Variants in SYNDIG1 observed in about 807,000 individuals in gnomAD.
SYNDIG1 encodes synapse differentiation-inducing gene protein 1.
In SYNDIG1, 9 loss-of-function variants were observed where a neutral mutation model predicts 19.4. The ratio of observed to expected loss-of-function variants is 0.46; its 90% CI spans 0.28 to 0.81. The LOEUF (loss-of-function observed/expected upper bound fraction) is 0.81, where lower values mean the gene tolerates loss of function less well. Ranked by LOEUF, SYNDIG1 falls within the 30% of genes least tolerant of loss-of-function variation. The probability of loss-of-function intolerance (pLI) is 0.12; values close to 1 mark genes in which losing one functional copy is unlikely to be tolerated. For synonymous variants in SYNDIG1, 141 were observed against 145.9 expected, an observed-to-expected ratio of 0.97 and a Z score of 0.24; for missense variants, 311 against 343.3, an observed-to-expected ratio of 0.91 and a Z score of 0.74.
chr20:24,610,265 G>A lies in SYNDIG1; in HGVS notation c.618+25272G>A, dbSNP rs75209721. On this transcript the variant is annotated intron_variant, in intron 3 of 3. Transcript: ENST00000376862. ...TTCCTGTGATAATTTTGAATAATTT[G>A]GGCCTGGTCTTTATAGGCATATAAA... 2.4e-3 allele frequency among the ~76,000 whole-genome samples: 362 copies of A among 152,252 alleles called. 2 individuals carry two copies. Among genetic ancestry groups the A allele is most frequent in the African/African-American group, 8.4e-3 (347 of 41,530 alleles).
chr20:24,575,734 G>A (rs555379984), intron 2 of SYNDIG1, among the ~76,000 whole-genome samples: 1 of 152,202 alleles, frequency 6.6e-6, no homozygotes, highest in South Asian at 2.1e-4. Context: ...AGGAATATTG[G>A]ACTAGATACT....
In SYNDIG1 at chr20:24,530,811, GT is replaced by G. The variant is rs374193810; in HGVS notation, c.-78-12196del. On this transcript the variant is annotated intron_variant, in intron 1 of 3. Coordinates refer to ENST00000376862, the MANE Select transcript of SYNDIG1 (RefSeq NM_024893.3). The stretch of plus-strand genomic sequence containing the variant: ...TGTTTGTTTGTTTTTTGGGTTTTTT[GT>G]TTTTTTTTTTTTCGGAGACGGAGTC... 4.9e-3 allele frequency among the ~76,000 whole-genome samples: 696 copies of G among 141,582 alleles called. 4 individuals carry two copies. The highest frequency in any genetic ancestry group is 0.011 in the African/African-American group (416 of 38,626). The allele number at this position is 141,582 out of a possible 152,430, so 92.9% of individuals were successfully genotyped here. A position where few individuals can be genotyped will look rare whatever the true frequency, so the allele number is the denominator to read the frequency against.
At chr20:24,569,045 T>C (rs1214774708) in intron 2 of SYNDIG1, among the ~76,000 whole-genome samples, 1 of 152,200 alleles carries the variant, frequency 6.6e-6, no homozygotes, top group Admixed American at 6.5e-5. Flanking sequence ...GAGGAGACAG[T>C]GCAGGTGTCC....
At chr20:24,498,812 C>T (rs148183629) in intron 1 of SYNDIG1, among the ~76,000 whole-genome samples, 14 of 152,246 alleles carry the variant, frequency 9.2e-5, no homozygotes, top group Admixed American at 3.3e-4. Context: ...CCTTCATTTG[C>T]CTATCAGTGG....
At chr20:24,663,903 G>T (rs1043093738) in intron 3 of SYNDIG1, among the ~76,000 whole-genome samples, 8 of 152,174 alleles carry the variant, frequency 5.3e-5, no homozygotes, top group Non-Finnish European at 8.8e-5. Flanking sequence ...TGTGTTCGAA[G>T]ATGTGGGCGT....
intron 2 of SYNDIG1, among the ~76,000 whole-genome samples, chr20:24,574,509 G>GTAAA (rs1387493931): frequency 0.019 from 2,823 of 151,554 alleles, 84 homozygotes; most frequent in African/African-American, 0.063. Flanking sequence ...AAATAAATAA[G>GTAAA]TAAATAAATA....
At chr20:24,654,683 A>T (rs1260648689) in intron 3 of SYNDIG1, among the ~76,000 whole-genome samples, 1 of 151,176 alleles carries the variant, frequency 6.6e-6, no homozygotes, top group African/African-American at 2.4e-5. Context: ...GAAGGAAGGA[A>T]GGAAGGAAGG....
chr20:24,565,096 C>T (rs1409371), intron 2 of SYNDIG1, among the ~76,000 whole-genome samples: 77,233 of 151,990 alleles, frequency 0.51, 19,811 homozygotes, highest in East Asian at 0.61. Flanking sequence ...TAAGTTTTCA[C>T]TGGACCTCAA....
At chr20:24,624,207 G>GAT in intron 3 of SYNDIG1, among the ~76,000 whole-genome samples, 1 of 139,720 alleles carries the variant, frequency 7.2e-6, no homozygotes, top group East Asian at 2.1e-4. Flanking sequence ...AATGAGCCGA[G>GAT]ATCCTGCCAC....
chr20:24,648,135 TTAGGGCTTCAA>T (rs1387432860), intron 3 of SYNDIG1, among the ~76,000 whole-genome samples: 1 of 152,160 alleles, frequency 6.6e-6, no homozygotes, highest in Non-Finnish European at 1.5e-5. Flanking sequence ...CTCATTGGAA[TTAGGGCTTCAA>T]TATATGAAGT....
intron 2 of SYNDIG1, among the ~76,000 whole-genome samples, chr20:24,557,515 CT>C (rs2057846370): frequency 6.6e-6 from 1 of 152,084 alleles, no homozygotes; most frequent in Non-Finnish European, 1.5e-5. Context: ...GTTAGTTTTC[CT>C]TCTAACAGAC....
intron 3 of SYNDIG1, among the ~76,000 whole-genome samples, chr20:24,612,959 CAT>C (rs1183887449): frequency 2.0e-5 from 3 of 152,380 alleles, no homozygotes; most frequent in South Asian, 2.1e-4. Flanking sequence ...AGTTCCATCA[CAT>C]GTGTGCCTCC....
chr20:24,625,315 G>T (rs58949684), intron 3 of SYNDIG1, among the ~76,000 whole-genome samples: 33,512 of 150,904 alleles, frequency 0.22, 4,346 homozygotes, highest in Admixed American at 0.37. Flanking sequence ...GGCTAACCAG[G>T]AGATAAAGAC....
intron 1 of SYNDIG1, among the ~76,000 whole-genome samples, chr20:24,471,055 T>C (rs2055431072): frequency 6.6e-6 from 1 of 152,136 alleles, no homozygotes. Context: ...TCCGTGTATC[T>C]GTCCGTCTCC....
At chr20:24,567,998 A>T (rs2058081505) in intron 2 of SYNDIG1, among the ~76,000 whole-genome samples, 1 of 151,914 alleles carries the variant, frequency 6.6e-6, no homozygotes, top group Admixed American at 6.5e-5. Context: ...GCCGGACATG[A>T]TGGGTGATGG....
chr20:24,471,313 C>G (rs920933486), intron 1 of SYNDIG1, among the ~76,000 whole-genome samples: 3 of 152,064 alleles, frequency 2.0e-5, no homozygotes, highest in Non-Finnish European at 2.9e-5. Context: ...GGGGGGCAGT[C>G]TGATGTCCGT....
At chr20:24,631,783 T>C (rs1339296774) in intron 3 of SYNDIG1, among the ~76,000 whole-genome samples, 1 of 152,216 alleles carries the variant, frequency 6.6e-6, no homozygotes, top group Non-Finnish European at 1.5e-5. Context: ...GTATATACAC[T>C]TCTATGCAGA....
intron 3 of SYNDIG1, among the ~76,000 whole-genome samples, chr20:24,601,677 A>G (rs1178232958): frequency 6.6e-6 from 1 of 152,224 alleles, no homozygotes. Context: ...AAATACTTCA[A>G]AATGACAATG....
intron 1 of SYNDIG1, among the ~76,000 whole-genome samples, chr20:24,515,692 T>C (rs2056846318): frequency 6.6e-6 from 1 of 151,906 alleles, no homozygotes; most frequent in Admixed American, 6.6e-5. Flanking sequence ...TAAAAGAGGA[T>C]ACAAACAAAT....
Sources: allele counts gnomAD v4.1 joint callset (sites outside exome capture counted in the v4.1 genomes callset), GRCh38; gene constraint gnomAD v4.1.1; transcripts MANE v1.5; gene names NCBI Gene and HGNC (gene_info 2026-07-23, HGNC 2026-07-21).